The following SMC6 variants were observed in gnomAD, a reference collection of about 807,000 sequenced individuals.
SMC6 encodes structural maintenance of chromosomes protein 6.
In SMC6, 79 loss-of-function variants were observed where a neutral mutation model predicts 142.2. The observed-to-expected ratio is 0.56, with a 90% CI of 0.46 to 0.67. The LOEUF is 0.67. Ranked by LOEUF, SMC6 falls within the 30% of genes least tolerant of loss-of-function variation. SMC6 has a pLI of 0.00. For synonymous variants in SMC6, 411 were observed against 412.4 expected (o/e 1.00, Z 0.04); for missense variants, 1,072 against 1,284.0 (o/e 0.83, Z 2.52).
intron 14 of SMC6, 100 bp downstream of exon 14, chr2:17,716,641 A>T: frequency 8.4e-7 from 1 of 1,191,452 alleles, no homozygotes; most frequent in Admixed American, 2.4e-5. Context: ...ATCCCTTATT[A>T]TGTAGAAGAA....
chr2:17,720,189 T>A (rs1379619841), intron 11 of SMC6, among the ~76,000 whole-genome samples: 1 of 152,150 alleles, frequency 6.6e-6, no homozygotes, highest in African/African-American at 2.4e-5. Flanking sequence ...GAATGATATC[T>A]CAATAAAGCT....
intron 21 of SMC6, among the ~76,000 whole-genome samples, chr2:17,698,961 CCTTTT>C (rs1490246168): frequency 2.0e-5 from 3 of 151,970 alleles, no homozygotes; most frequent in Admixed American, 6.6e-5. Context: ...CTTTTGTATC[CCTTTT>C]CTTTTCCCCA....
At chr2:17,729,212 C>G (rs1458923629) in intron 7 of SMC6, among the ~76,000 whole-genome samples, 1 of 152,124 alleles carries the variant, frequency 6.6e-6, no homozygotes, top group African/African-American at 2.4e-5. Flanking sequence ...TTTTCAAAAT[C>G]TGCTGGGTAT....
chr2:17,692,653 T>A (rs1298980625), intron 23 of SMC6, among the ~76,000 whole-genome samples: 12 of 152,156 alleles, frequency 7.9e-5, no homozygotes, highest in Non-Finnish European at 1.3e-4. Flanking sequence ...GGGCAAGGAC[T>A]TCATGTCTAA....
chr2:17,700,655 A>C (rs1336370046), intron 20 of SMC6, among the ~76,000 whole-genome samples: 1 of 152,204 alleles, frequency 6.6e-6, no homozygotes, highest in East Asian at 1.9e-4. Flanking sequence ...ATTTTTTCCA[A>C]ACTATACAAT....
At chr2:17,714,092 GTTT>G (rs10574833) in intron 16 of SMC6, among the ~76,000 whole-genome samples, 102 of 139,076 alleles carry the variant, frequency 7.3e-4, no homozygotes, top group Non-Finnish European at 1.2e-3. Context: ...TGTTTTTTTT[GTTT>G]TTTTTTTTTT....
chr2:17,750,535 A>C (rs1670972096), intron 2 of SMC6, among the ~76,000 whole-genome samples: 1 of 152,192 alleles, frequency 6.6e-6, no homozygotes, highest in South Asian at 2.1e-4. Flanking sequence ...TATAGCTCTA[A>C]CATAGCAGAG....
In SMC6 at chr2:17,726,480, CA is replaced by C. The variant is rs1558366844; in HGVS notation, c.544-12del. ...AACTGGATTATCCACCTCAAACAAA[CA>C]AAAAGTCATTTTTGAATATTTTACT... is the stretch of plus-strand genomic sequence containing the variant. On this transcript the variant is annotated splice_polypyrimidine_tract_variant and intron_variant, in intron 7 of 27. Transcript: ENST00000448223. 6.2e-7 allele frequency: 1 copy of C among 1,601,536 alleles called. No individual in the cohort carries two copies. The highest frequency in any genetic ancestry group is 8.5e-7 in the Non-Finnish European group (1 of 1,175,376).
chr2:17,685,270 A>G (rs964207208), intron 23 of SMC6, among the ~76,000 whole-genome samples: 2 of 152,164 alleles, frequency 1.3e-5, no homozygotes, highest in African/African-American at 4.8e-5. Context: ...TAAGAACTAA[A>G]AGACTTAAAT....
intron 5 of SMC6, among the ~76,000 whole-genome samples, chr2:17,737,436 G>C (rs1370221495): frequency 6.6e-6 from 1 of 152,184 alleles, no homozygotes; most frequent in African/African-American, 2.4e-5. Flanking sequence ...GACAGCATTT[G>C]GGGCATTTTG....
intron 16 of SMC6, among the ~76,000 whole-genome samples, chr2:17,710,167 T>C (rs1462440181): frequency 6.6e-6 from 1 of 152,340 alleles, no homozygotes; most frequent in Non-Finnish European, 1.5e-5. Context: ...GGAAACATGA[T>C]GATGGCGTGA....
At chr2:17,742,923 C>T (rs1670551652) in intron 3 of SMC6, among the ~76,000 whole-genome samples, 1 of 152,090 alleles carries the variant, frequency 6.6e-6, no homozygotes. Flanking sequence ...CCACATGTTG[C>T]CCTTTTATAG....
At chr2:17,667,335 A>C (rs1007855838) in intron 26 of SMC6, among the ~76,000 whole-genome samples, 1 of 152,334 alleles carries the variant, frequency 6.6e-6, no homozygotes, top group African/African-American at 2.4e-5. Context: ...CCAATTTCTC[A>C]ATTATATCTT....
At chr2:17,740,668 A>G (rs77153627) in intron 4 of SMC6, 1 of 416,264 alleles carries the variant, frequency 2.4e-6, no homozygotes, top group Non-Finnish European at 4.7e-6. Flanking sequence ...CAGCCTGGCC[A>G]ACATGGTGAA....
chr2:17,731,064 A>G lies in SMC6; in HGVS notation c.543+14T>C, dbSNP rs752892252. On this transcript the variant is annotated intron_variant, in intron 7 of 27. Coordinates refer to ENST00000448223, the MANE Select transcript of SMC6 (RefSeq NM_001142286.2). ...GGTGTATGAATTAATCTGAAACACA[A>G]ATTCACCAATTACCTGGATGTTAAA... 14 of 1,603,956 alleles carry G rather than the reference A, an allele frequency of 8.7e-6. No homozygotes were observed. The Admixed American group carries it at 1.7e-4, about 20-fold the overall frequency.
At chr2:17,742,168 G>C (rs908596728) in intron 3 of SMC6, among the ~76,000 whole-genome samples, 3 of 152,166 alleles carry the variant, frequency 2.0e-5, no homozygotes, top group Admixed American at 1.3e-4. Context: ...AATCCCCTTT[G>C]TTGAGAACTG....
In SMC6 at chr2:17,707,061, T is replaced by C. The variant is rs535513433; in HGVS notation, c.2006+158A>G. Among the ~76,000 whole-genome samples, 17 of 152,320 alleles carry C rather than the reference T, an allele frequency of 1.1e-4. 1 individual carries two copies. In the South Asian group the frequency reaches 3.5e-3, roughly 32 times the overall value. On this transcript the variant is annotated intron_variant, in intron 18 of 27. Transcript: ENST00000448223. ...TGATGATGCAAGATAACTGTCAACCTCGAATTCTATGACTAGCTAAGTGAT... is the reference window on the plus strand; with the variant it reads ...TGATGATGCAAGATAACTGTCAACCCCGAATTCTATGACTAGCTAAGTGAT...
chr2:17,735,605 A>T (rs1670113594), intron 5 of SMC6, among the ~76,000 whole-genome samples: 1 of 152,222 alleles, frequency 6.6e-6, no homozygotes. Flanking sequence ...TGGTATTAGG[A>T]AGGCCAAGGG....
intron 25 of SMC6, among the ~76,000 whole-genome samples, chr2:17,676,918 C>T (rs905522631): frequency 2.6e-5 from 4 of 152,112 alleles, no homozygotes; most frequent in Non-Finnish European, 5.9e-5. Context: ...CTAGTTATGA[C>T]TTCAACTAGT....
Sources: gnomAD v4.1 joint callset for allele counts (sites outside exome capture counted in the v4.1 genomes callset) on GRCh38, gnomAD v4.1.1 for gene constraint, MANE v1.5 for transcripts, NCBI Gene and HGNC (gene_info 2026-07-23, HGNC 2026-07-21) for gene names.